OTC: variants seen among roughly 807,000 people sequenced by gnomAD.
OTC encodes ornithine transcarbamylase.
In OTC, 3 loss-of-function variants were observed where a neutral mutation model predicts 30.3. That is an observed-to-expected ratio of 0.10 (90% CI 0.05 to 0.26). The LOEUF is 0.26. Ranked by LOEUF, OTC falls within the 10% of genes least tolerant of loss-of-function variation. The pLI is 1.00. For missense variants in OTC, 194 were observed against 260.3 expected (o/e 0.75, Z 1.75); for synonymous variants, 111 against 99.7 (o/e 1.11, Z -0.67).
At chrX:38,411,126 A>G (rs1300757101) in intron 8 of OTC, among the ~76,000 whole-genome samples, 2 of 111,299 alleles carry the variant, frequency 1.8e-5, no homozygotes, top group Non-Finnish European at 3.8e-5. Flanking sequence ...TGTTTTAACT[A>G]GTGATGGAGT....
the OTC span, among the ~76,000 whole-genome samples, chrX:38,332,523 T>TATATATATAC: frequency 2.3e-5 from 2 of 86,405 alleles, no homozygotes; most frequent in African/African-American, 8.8e-5. Context: ...TATATATATA[T>TATATATATAC]ATATATATAT....
intron 9 of OTC, among the ~76,000 whole-genome samples, chrX:38,413,851 G>A (rs1241646229): frequency 9.3e-6 from 1 of 108,065 alleles, no homozygotes; most frequent in African/African-American, 3.4e-5. Context: ...TGTATTTTTA[G>A]TGGCGGGTAG....
At chrX:38,391,629 C>A (rs999006738) in intron 4 of OTC, among the ~76,000 whole-genome samples, 2 of 111,064 alleles carry the variant, frequency 1.8e-5, no homozygotes, top group Non-Finnish European at 3.8e-5. Flanking sequence ...AATTATTATT[C>A]TTATTAATTA....
At chrX:38,356,675 G>T in intron 1 of OTC, among the ~76,000 whole-genome samples, 1 of 110,782 alleles carries the variant, frequency 9.0e-6, no homozygotes, top group Admixed American at 9.6e-5. Flanking sequence ...TCAGGGGAGT[G>T]TGGGGAAAGG....
At chrX:38,404,974 C>A (rs1480523865) in intron 6 of OTC, among the ~76,000 whole-genome samples, 1 of 111,730 alleles carries the variant, frequency 9.0e-6, no homozygotes, top group Non-Finnish European at 1.9e-5. Flanking sequence ...GTTATCCCAG[C>A]ATTGGTCAAG....
At chrX:38,380,717 C>T in intron 3 of OTC, among the ~76,000 whole-genome samples, 1 of 111,931 alleles carries the variant, frequency 8.9e-6, no homozygotes. Flanking sequence ...AAGACAGCGT[C>T]ATATATTTTA....
the OTC span, among the ~76,000 whole-genome samples, chrX:38,347,121 G>A: frequency 8.9e-6 from 1 of 111,843 alleles, no homozygotes; most frequent in Non-Finnish European, 1.9e-5. Context: ...TTTTTTTCCT[G>A]TTGTTATATA....
chrX:38,389,898 C>T (rs1230812444), intron 4 of OTC, among the ~76,000 whole-genome samples: 2 of 111,500 alleles, frequency 1.8e-5, no homozygotes, highest in Admixed American at 9.6e-5. Flanking sequence ...AAAGGACACA[C>T]GCACAGAAGA....
rs746498569 is a variant in OTC, at chrX:38,407,282, G to C, written c.664-1460G>C. Among the ~76,000 whole-genome samples the C allele has an allele frequency of 6.7e-3, 757 of 112,389 alleles. 13 individuals carry two copies. The highest frequency in any genetic ancestry group is 0.024 in the African/African-American group (730 of 30,853). ...CAAAAGGGTGTGTGACCTTGGGTGC[G>C]GCTGCTCTCTGCAGCAGAGGCAGTG... On this transcript the variant is annotated intron_variant, in intron 6 of 9. Coordinates refer to ENST00000039007, the MANE Select transcript of OTC (RefSeq NM_000531.6).
chrX:38,337,586 A>G, the OTC span, among the ~76,000 whole-genome samples: 3 of 111,756 alleles, frequency 2.7e-5, no homozygotes, highest in Non-Finnish European at 5.6e-5. Context: ...GCACTGCTTG[A>G]AGGTTTGCTC....
chrX:38,383,403 G>A (rs1347582668), intron 4 of OTC, among the ~76,000 whole-genome samples: 2 of 111,776 alleles, frequency 1.8e-5, no homozygotes, highest in Admixed American at 1.9e-4. Context: ...ACTAAGTCAG[G>A]GTTTAAATCA....
At chrX:38,364,221 A>G (rs759834779) in intron 1 of OTC, among the ~76,000 whole-genome samples, 2 of 112,262 alleles carry the variant, frequency 1.8e-5, no homozygotes, top group Non-Finnish European at 1.9e-5. Flanking sequence ...TGTTATGTAC[A>G]TAATCTATTA....
At chrX:38,359,980 C>T (rs1424099578) in intron 1 of OTC, among the ~76,000 whole-genome samples, 1 of 103,301 alleles carries the variant, frequency 9.7e-6, no homozygotes, top group African/African-American at 3.6e-5. Context: ...TGCAATGGTG[C>T]GATCTCAGCT....
chrX:38,385,979 A>G (rs886893762), intron 4 of OTC, among the ~76,000 whole-genome samples: 2 of 109,646 alleles, frequency 1.8e-5, no homozygotes, highest in Non-Finnish European at 3.8e-5. Context: ...CCCAGCTACT[A>G]GGGAGGCTGA....
chrX:38,351,052 C>G (rs1272584625), upstream of OTC, among the ~76,000 whole-genome samples: 1 of 111,911 alleles, frequency 8.9e-6, no homozygotes, highest in Non-Finnish European at 1.9e-5. Flanking sequence ...AATTCACTCT[C>G]TCCCTTCTCA....
chrX:38,408,806 T>C lies in OTC; in HGVS notation c.717+11T>C, dbSNP rs772850466. 1.0e-5 allele frequency: 12 copies of C among 1,205,709 alleles called. No individual in the cohort carries two copies. In the East Asian group the frequency reaches 3.3e-4, roughly 33 times the overall value. ...CAGTATGCCAAAGAGGTATGCTCTT[T>C]ACATGTAAAGCTATTATTGCCTTTT... On this transcript the variant is annotated intron_variant, in intron 7 of 9. Transcript: ENST00000039007.
chrX:38,367,470 C>T (rs1417334763), intron 2 of OTC, 41 bp downstream of exon 2: 1 of 1,131,191 alleles, frequency 8.8e-7, no homozygotes, highest in East Asian at 3.0e-5. Context: ...ACTACCAGTC[C>T]CCTTTTTTTA....
chrX:38,365,736 G>A (rs1332809072), intron 1 of OTC, among the ~76,000 whole-genome samples: 3 of 112,329 alleles, frequency 2.7e-5, no homozygotes, highest in Non-Finnish European at 5.6e-5. Context: ...AGGAAAGACA[G>A]GCTAGTTAGC....
At chrX:38,409,204 G>A (rs749825362) in intron 8 of OTC, among the ~76,000 whole-genome samples, 179 bp downstream of exon 8, 1 of 111,829 alleles carries the variant, frequency 8.9e-6, no homozygotes, top group Non-Finnish European at 1.9e-5. Flanking sequence ...CTTTGGAAAG[G>A]CATTTTTGTG....
Sources: allele counts gnomAD v4.1 joint callset (sites outside exome capture counted in the v4.1 genomes callset), GRCh38; gene constraint gnomAD v4.1.1; transcripts MANE v1.5; gene names NCBI Gene and HGNC (gene_info 2026-07-23, HGNC 2026-07-21).